The following AK4 variants were observed in gnomAD, a reference collection of about 807,000 sequenced individuals.
The protein encoded by AK4 is adenylate kinase 4, also known as adenylate kinase 4, mitochondrial.
AK4 carries 13 observed loss-of-function variants against 24.6 expected under a neutral mutation model. That is an observed-to-expected ratio of 0.53 (90% CI 0.34 to 0.84). The LOEUF (loss-of-function observed/expected upper bound fraction) is 0.84, where lower values mean the gene tolerates loss of function less well. Among genes scored for constraint, AK4 ranks in the 40% least tolerant of loss-of-function variants. AK4 has a pLI of 0.01. For missense variants in AK4, 192 were observed against 288.2 expected (o/e 0.67, Z 2.42); for synonymous variants, 88 against 107.0 (o/e 0.82, Z 1.10).
intron 2 of AK4, among the ~76,000 whole-genome samples, chr1:65,213,471 T>TC (rs1652032803): frequency 6.6e-6 from 1 of 152,112 alleles, no homozygotes; most frequent in Non-Finnish European, 1.5e-5. Flanking sequence ...CACCAGGGAC[T>TC]CCCCAAGCTC....
chr1:65,190,263 T>C (rs186309585), intron 1 of AK4, among the ~76,000 whole-genome samples: 55 of 151,550 alleles, frequency 3.6e-4, no homozygotes, highest in African/African-American at 1.3e-3. Flanking sequence ...TTTCTTTCTT[T>C]TTTTTTTTTG....
chr1:65,163,799 T>A (rs1650246677), intron 1 of AK4, among the ~76,000 whole-genome samples: 1 of 152,070 alleles, frequency 6.6e-6, no homozygotes. Context: ...TTTTTAAAGA[T>A]AATTTGGTGG....
At chr1:65,196,091 T>G (rs1178043374) in intron 2 of AK4, among the ~76,000 whole-genome samples, 1 of 152,238 alleles carries the variant, frequency 6.6e-6, no homozygotes, top group African/African-American at 2.4e-5. Flanking sequence ...TAAATCCATT[T>G]GGCAAGGTGT....
At chr1:65,154,361 A>T (rs554647732) in intron 1 of AK4, 1 of 355,126 alleles carries the variant, frequency 2.8e-6, no homozygotes, top group South Asian at 2.1e-5. Flanking sequence ...AATGTGTCTA[A>T]CCAATCTTTT....
intron 1 of AK4, among the ~76,000 whole-genome samples, chr1:65,174,238 C>T (rs945932775): frequency 6.6e-6 from 1 of 152,068 alleles, no homozygotes; most frequent in Non-Finnish European, 1.5e-5. Context: ...GAATGAAGGG[C>T]CCAGAGCAAA....
At position 65,148,332 on chromosome 1, in the gene AK4, A is replaced by G; in HGVS notation, c.-76A>G. 1 of 1,476,936 alleles carries G rather than the reference A, an allele frequency of 6.8e-7. No homozygotes were observed. Among genetic ancestry groups the G allele is most frequent in the Non-Finnish European group, 9.0e-7 (1 of 1,113,554 alleles). 91.5% of individuals were successfully genotyped at this position (1,476,936 alleles called of 1,614,324 possible). ...AGGGTGCCAGAGGTAGGGGGCCGAG[A>G]AACAAAGTTCCCGGGGCTTCCTCCG... On this transcript the variant is annotated 5_prime_UTR_variant, in exon 1 of 5. Coordinates refer to ENST00000327299, the MANE Select transcript of AK4 (RefSeq NM_013410.4).
Position 65,189,655 on chromosome 1 carries a change from GCA to G in AK4, c.146-1033_146-1032del, listed in dbSNP as rs71681774. Among the ~76,000 whole-genome samples, 155 of 135,504 alleles carry G rather than the reference GCA, an allele frequency of 1.1e-3. 1 individual carries two copies. The highest frequency in any genetic ancestry group is 3.6e-3 in the Middle Eastern group (1 of 274). The allele number at this position is 135,504 out of a possible 152,430, so 88.9% of individuals were successfully genotyped here. A position where few individuals can be genotyped will look rare whatever the true frequency, so the allele number is the denominator to read the frequency against. On this transcript the variant is annotated intron_variant, in intron 1 of 4. Coordinates refer to ENST00000327299, the MANE Select transcript of AK4 (RefSeq NM_013410.4). ...CATTTGTGGTAAAACACATACGCGT[GCA>G]CACACACACACACACACACACCCCA...
At chr1:65,178,707 T>C (rs976063808) in intron 1 of AK4, among the ~76,000 whole-genome samples, 1 of 152,302 alleles carries the variant, frequency 6.6e-6, no homozygotes, top group Non-Finnish European at 1.5e-5. Context: ...CTTTTGGACC[T>C]GAGGTCAGAT....
chr1:65,214,198 A>G (rs1316481256), intron 2 of AK4, among the ~76,000 whole-genome samples: 1 of 151,960 alleles, frequency 6.6e-6, no homozygotes, highest in Non-Finnish European at 1.5e-5. Flanking sequence ...TACAACTTCC[A>G]CCTCCGGGTT....
chr1:65,225,423 TATC>T (rs1652423149), intron 4 of AK4, among the ~76,000 whole-genome samples: 1 of 152,204 alleles, frequency 6.6e-6, no homozygotes, highest in Admixed American at 6.5e-5. Context: ...TCCGGCCAGT[TATC>T]ATTCTAGGGC....
intron 1 of AK4, among the ~76,000 whole-genome samples, chr1:65,166,991 G>C (rs1650353222): frequency 6.6e-6 from 1 of 152,224 alleles, no homozygotes; most frequent in Non-Finnish European, 1.5e-5. Flanking sequence ...GATTAGCTAG[G>C]TGTGGTGGCT....
At chr1:65,195,418 T>C (rs1245081904) in intron 2 of AK4, among the ~76,000 whole-genome samples, 1 of 152,220 alleles carries the variant, frequency 6.6e-6, no homozygotes, top group Non-Finnish European at 1.5e-5. Flanking sequence ...TGCCACCACG[T>C]AACAGTAATT....
At chr1:65,159,498 A>G (rs1159412639) in intron 1 of AK4, among the ~76,000 whole-genome samples, 4 of 151,970 alleles carry the variant, frequency 2.6e-5, no homozygotes, top group Non-Finnish European at 5.9e-5. Flanking sequence ...CTCTACAAAA[A>G]ATAAACAGAG....
chr1:65,229,679 G>GAA lies in AK4; in HGVS notation c.*3502_*3503insAA, dbSNP rs1210384021. ...TCCTTTATGAATAGAATAAAAGACT[G>GAA]TCAAAGTAGGCTGGGCTTGGGCCCA... On this transcript the variant is annotated 3_prime_UTR_variant, in exon 5 of 5. Coordinates refer to ENST00000327299, the MANE Select transcript of AK4 (RefSeq NM_013410.4). The GAA allele has an allele frequency of 1.3e-5, 2 of 152,192 alleles. No individual in the cohort carries two copies. Among genetic ancestry groups the GAA allele is most frequent in the Non-Finnish European group, 2.9e-5 (2 of 68,034 alleles). 9.4% of individuals were successfully genotyped at this position (152,192 alleles called of 1,614,324 possible). A position where few individuals can be genotyped will look rare whatever the true frequency, so the allele number is the denominator to read the frequency against.
intron 1 of AK4, among the ~76,000 whole-genome samples, chr1:65,167,064 G>A (rs1473270820): frequency 1.3e-5 from 2 of 152,148 alleles, no homozygotes; most frequent in Non-Finnish European, 2.9e-5. Flanking sequence ...CCTGAAAGGC[G>A]GAAGTTGTAG....
At chr1:65,158,108 C>G (rs2100988113) in intron 1 of AK4, among the ~76,000 whole-genome samples, 1 of 152,172 alleles carries the variant, frequency 6.6e-6, no homozygotes, top group Non-Finnish European at 1.5e-5. Context: ...TCATGCCTGC[C>G]CCATATCACC....
In AK4 at chr1:65,191,687, G is replaced by A. The variant is rs188569007; in HGVS notation, c.265+858G>A. 2.9e-3 allele frequency among the ~76,000 whole-genome samples: 443 copies of A among 152,072 alleles called. 2 individuals are homozygous for A. The highest frequency in any genetic ancestry group is 4.0e-3 in the Non-Finnish European group (274 of 68,004). On this transcript the variant is annotated intron_variant, in intron 2 of 4. Transcript: ENST00000327299. Reference sequence around the variant, plus strand: ...CCTTTGATTTTGCCATAAAGATGGTGGAACTGGATTTTGTTGGCTTTAGGG... The same window carrying A: ...CCTTTGATTTTGCCATAAAGATGGTAGAACTGGATTTTGTTGGCTTTAGGG...
rs978761028 is a variant in AK4, at chr1:65,148,642, C to T, written c.145+90C>T. On this transcript the variant is annotated intron_variant, in intron 1 of 4. Coordinates refer to ENST00000327299, the MANE Select transcript of AK4 (RefSeq NM_013410.4). Reference sequence around the variant, plus strand: ...GACTGGGGCTCCCGGATCACGGCGCCCTTCCCCCGCCCGCGTGTGGTCGTG... The same window carrying T: ...GACTGGGGCTCCCGGATCACGGCGCTCTTCCCCCGCCCGCGTGTGGTCGTG... 2.0e-5 allele frequency: 28 copies of T among 1,419,460 alleles called. No individual in the cohort carries two copies. In the Admixed American group the frequency reaches 6.1e-4, roughly 31 times the overall value. The allele number at this position is 1,419,460 out of a possible 1,614,324, so 87.9% of individuals were successfully genotyped here. A position where few individuals can be genotyped will look rare whatever the true frequency, so the allele number is the denominator to read the frequency against.
intron 1 of AK4, among the ~76,000 whole-genome samples, chr1:65,152,362 A>C (rs60054523): frequency 0.11 from 3,201 of 30,358 alleles, 93 homozygotes; most frequent in African/African-American, 0.16. Flanking sequence ...CTCTCTCTCT[A>C]TATATATATA....
Sources: allele counts gnomAD v4.1 joint callset (sites outside exome capture counted in the v4.1 genomes callset), GRCh38; gene constraint gnomAD v4.1.1; transcripts MANE v1.5; gene names NCBI Gene and HGNC (gene_info 2026-07-23, HGNC 2026-07-21).